RAB20: variants seen among roughly 807,000 people sequenced by gnomAD.
RAB20 encodes RAB20, member RAS oncogene family.
Under a neutral mutation model 3.7 loss-of-function variants are expected in RAB20, and 2 were observed. The ratio of observed to expected loss-of-function variants is 0.54; its 90% CI spans 0.22 to 1.69. RAB20 has a LOEUF of 1.69. Among genes scored for constraint, RAB20 ranks in the 40% most tolerant of loss-of-function variants. The pLI is 0.19. For synonymous variants in RAB20, 126 were observed against 130.8 expected (o/e 0.96, Z 0.25); for missense variants, 276 against 311.9 (o/e 0.88, Z 0.87).
chr13:110,546,558 T>C (rs1884851953), intron 1 of RAB20, among the ~76,000 whole-genome samples: 1 of 152,164 alleles, frequency 6.6e-6, no homozygotes, highest in Non-Finnish European at 1.5e-5. Flanking sequence ...TTTTTATTGA[T>C]GCACTCAGCG....
At chr13:110,528,420 AAAAAAAAC>A (rs1335656200) in intron 1 of RAB20, among the ~76,000 whole-genome samples, 3 of 151,540 alleles carry the variant, frequency 2.0e-5, no homozygotes, top group Non-Finnish European at 2.9e-5. Flanking sequence ...TCTCAAAAAA[AAAAAAAAC>A]AAAAAACAGA....
At chr13:110,536,994 T>C (rs151072261) in intron 1 of RAB20, among the ~76,000 whole-genome samples, 2 of 137,330 alleles carry the variant, frequency 1.5e-5, no homozygotes, top group Non-Finnish European at 3.1e-5. Context: ...GTGTTTTTTT[T>C]TGTGTGAGAC....
chr13:110,541,676 G>A lies in RAB20; in HGVS notation c.173-17479C>T, dbSNP rs942131667. On this transcript the variant is annotated intron_variant, in intron 1 of 1. Coordinates refer to ENST00000267328, the MANE Select transcript of RAB20 (RefSeq NM_017817.3). ...GGAATTCTCTGGGCCAGAGCCCTTCGCCTGCCTGGGGCTCAGCTTCCTCAG... is the reference window on the plus strand; with the variant it reads ...GGAATTCTCTGGGCCAGAGCCCTTCACCTGCCTGGGGCTCAGCTTCCTCAG... 3.8e-4 allele frequency among the ~76,000 whole-genome samples: 58 copies of A among 152,234 alleles called. 1 individual carries two copies. Among genetic ancestry groups the A allele is most frequent in the African/African-American group, 1.3e-3 (55 of 41,532 alleles).
At chr13:110,532,085 C>T (rs1884550709) in intron 1 of RAB20, among the ~76,000 whole-genome samples, 1 of 152,210 alleles carries the variant, frequency 6.6e-6, no homozygotes, top group Admixed American at 6.5e-5. Context: ...CCACGGACAC[C>T]CTTGGCTCAC....
At chr13:110,529,874 T>G (rs1431994037) in intron 1 of RAB20, among the ~76,000 whole-genome samples, 1 of 152,198 alleles carries the variant, frequency 6.6e-6, no homozygotes, top group Admixed American at 6.5e-5. Context: ...TACTCGTCTA[T>G]GTAGCAAATC....
At chr13:110,528,322 A>C (rs1372215000) in intron 1 of RAB20, among the ~76,000 whole-genome samples, 2 of 147,192 alleles carry the variant, frequency 1.4e-5, no homozygotes, top group Non-Finnish European at 3.0e-5. Context: ...AGGCTGAGGC[A>C]GGAGAACTGC....
chr13:110,529,035 C>T (rs879677969), intron 1 of RAB20, among the ~76,000 whole-genome samples: 2 of 152,190 alleles, frequency 1.3e-5, no homozygotes, highest in Non-Finnish European at 2.9e-5. Flanking sequence ...TCTCAATGAG[C>T]GCATTGTCCA....
At position 110,523,307 on chromosome 13, in the gene RAB20, GAGGTGC is replaced by G. The variant is rs1884363136; in HGVS notation, c.*352_*357del. 1 of 474,462 alleles carries G rather than the reference GAGGTGC, an allele frequency of 2.1e-6. No individual in the cohort carries two copies. The highest frequency in any genetic ancestry group is 2.0e-5 in the African/African-American group (1 of 51,174). The allele number at this position is 474,462 out of a possible 1,614,324, so 29.4% of individuals were successfully genotyped here. ...ACAACCCAGGGTGCTGAAACGGTCA[GAGGTGC>G]AGGTGCAGACGCAGGCTTCTGCCTC... On this transcript the variant is annotated 3_prime_UTR_variant, in exon 2 of 2. Transcript: ENST00000267328.
chr13:110,538,515 A>C (rs1357806660), intron 1 of RAB20, among the ~76,000 whole-genome samples: 2 of 141,656 alleles, frequency 1.4e-5, no homozygotes, highest in Non-Finnish European at 3.0e-5. Context: ...TTGGGGTGGG[A>C]GGATCACCTG....
chr13:110,540,785 A>T (rs190466948), intron 1 of RAB20, among the ~76,000 whole-genome samples: 11 of 99,070 alleles, frequency 1.1e-4, no homozygotes, highest in Non-Finnish European at 2.0e-4. Flanking sequence ...TGTTATGTAT[A>T]TTATACCACA....
At chr13:110,528,808 G>A (rs1884477477) in intron 1 of RAB20, among the ~76,000 whole-genome samples, 2 of 152,184 alleles carry the variant, frequency 1.3e-5, no homozygotes, top group Admixed American at 1.3e-4. Flanking sequence ...AAAGGAAACA[G>A]GAACTGAAGA....
At chr13:110,528,554 G>A (rs1008519453) in intron 1 of RAB20, among the ~76,000 whole-genome samples, 4 of 150,868 alleles carry the variant, frequency 2.7e-5, no homozygotes, top group Admixed American at 2.0e-4. Flanking sequence ...AGCTAAAAAC[G>A]TCATCAGCTT....
chr13:110,524,805 T>G (rs1399995040), intron 1 of RAB20, among the ~76,000 whole-genome samples: 2 of 152,124 alleles, frequency 1.3e-5, no homozygotes, highest in Non-Finnish European at 2.9e-5. Flanking sequence ...GTGCTCACGA[T>G]ATTTTTAGGA....
In RAB20 at chr13:110,561,329, C is replaced by A; in HGVS notation, c.172+19G>T. 1 of 1,577,468 alleles carries A rather than the reference C, an allele frequency of 6.3e-7. No individual in the cohort carries two copies. The highest frequency in any genetic ancestry group is 8.6e-7 in the Non-Finnish European group (1 of 1,163,534). ...GGCGGAGCCCCAGGGCGGTGTGGCT[C>A]ATGCGGCGCCGGCCTCACCTGCGGT... On this transcript the variant is annotated intron_variant, in intron 1 of 1. Coordinates refer to ENST00000267328, the MANE Select transcript of RAB20 (RefSeq NM_017817.3).
rs576831858 is a variant in RAB20 at position 110,530,153 on chromosome 13, G to A, written c.173-5956C>T. On this transcript the variant is annotated intron_variant, in intron 1 of 1. Transcript: ENST00000267328. ...CACCTCTACACAGACACAGGGCCCC[G>A]GGGAGGCAGGTCCCACCACCCCACC... 8.6e-4 allele frequency among the ~76,000 whole-genome samples: 124 copies of A among 144,054 alleles called. 1 individual carries two copies. Among genetic ancestry groups the A allele is most frequent in the Non-Finnish European group, 1.5e-3 (100 of 65,438 alleles). The allele number at this position is 144,054 out of a possible 152,430, so 94.5% of individuals were successfully genotyped here. A position where few individuals can be genotyped will look rare whatever the true frequency, so the allele number is the denominator to read the frequency against.
chr13:110,550,076 G>C (rs545009657), intron 1 of RAB20, among the ~76,000 whole-genome samples: 4 of 152,180 alleles, frequency 2.6e-5, no homozygotes, highest in Admixed American at 2.0e-4. Context: ...GACAACCAAT[G>C]AAGTCTCCAT....
At chr13:110,533,571 A>G (rs1341553247) in intron 1 of RAB20, among the ~76,000 whole-genome samples, 1 of 152,106 alleles carries the variant, frequency 6.6e-6, no homozygotes, top group Non-Finnish European at 1.5e-5. Context: ...CTGTAGTCCC[A>G]GCTACTCTGA....
At chr13:110,545,227 T>C (rs4771690) in intron 1 of RAB20, among the ~76,000 whole-genome samples, 139,666 of 152,280 alleles carry the variant, frequency 0.92, 64,126 homozygotes, top group South Asian at 0.96. Context: ...GGGATAAATG[T>C]TTGAGGGATG....
chr13:110,547,582 C>T (rs964441505), intron 1 of RAB20, among the ~76,000 whole-genome samples: 15 of 152,166 alleles, frequency 9.9e-5, no homozygotes, highest in Admixed American at 7.2e-4. Context: ...GTCACTTCTA[C>T]GAAGGACACA....
Sources: allele counts gnomAD v4.1 joint callset (sites outside exome capture counted in the v4.1 genomes callset), GRCh38; gene constraint gnomAD v4.1.1; transcripts MANE v1.5; gene names NCBI Gene and HGNC (gene_info 2026-07-23, HGNC 2026-07-21).